The following PRP4K variants were observed in gnomAD, a reference collection of about 807,000 sequenced individuals.
PRP4K encodes the protein pre-mRNA processing factor kinase PRP4K, also known as serine/threonine-protein kinase PRP4 homolog.
the PRP4K span, chr6:4,052,055 A>C: frequency 6.2e-7 from 1 of 1,602,220 alleles, no homozygotes; most frequent in Non-Finnish European, 8.5e-7. Flanking sequence ...AGGCACTTCT[A>C]TCACAAGCAG....
chr6:4,023,654 G>GT, the PRP4K span, among the ~76,000 whole-genome samples: 1 of 152,332 alleles, frequency 6.6e-6, no homozygotes, highest in African/African-American at 2.4e-5. Flanking sequence ...CAGAGGGAAT[G>GT]TTTTAAGACT....
At chr6:4,042,121 A>G in the PRP4K span, among the ~76,000 whole-genome samples, 1 of 152,216 alleles carries the variant, frequency 6.6e-6, no homozygotes, top group Non-Finnish European at 1.5e-5. Flanking sequence ...CATCCAGAAA[A>G]GGTAGCAATT....
At chr6:4,056,872 T>TA in the PRP4K span, 1 of 1,066,090 alleles carries the variant, frequency 9.4e-7, no homozygotes, top group Non-Finnish European at 1.3e-6. Flanking sequence ...GAGTCTCTAT[T>TA]AAGAATTAGT....
the PRP4K span, chr6:4,064,718 G>A: frequency 2.6e-5 from 4 of 152,544 alleles, no homozygotes; most frequent in Non-Finnish European, 5.9e-5. Context: ...TGTCAATAAT[G>A]TATGCTAAAT....
chr6:4,036,217 G>A, the PRP4K span, among the ~76,000 whole-genome samples: 2 of 152,102 alleles, frequency 1.3e-5, no homozygotes, highest in Non-Finnish European at 2.9e-5. Flanking sequence ...TTGGGTTTTT[G>A]TGGGGTTTTT....
At chr6:4,056,951 G>A in the PRP4K span, 2 of 1,333,198 alleles carry the variant, frequency 1.5e-6, no homozygotes, top group South Asian at 2.9e-5. Context: ...AGCTAAGGTA[G>A]CCAGCCCCTC....
the PRP4K span, chr6:4,032,852 A>C: frequency 7.9e-7 from 1 of 1,262,146 alleles, no homozygotes; most frequent in South Asian, 2.4e-5. Context: ...AGTAGTAAGT[A>C]AAAATAAAAA....
the PRP4K span, among the ~76,000 whole-genome samples, chr6:4,025,947 A>C: frequency 6.6e-6 from 1 of 152,344 alleles, no homozygotes; most frequent in African/African-American, 2.4e-5. Context: ...CTTAACTTTC[A>C]AGTTCTAAGA....
the PRP4K span, among the ~76,000 whole-genome samples, chr6:4,041,273 T>C: frequency 6.6e-6 from 1 of 152,170 alleles, no homozygotes; most frequent in Admixed American, 6.5e-5. Flanking sequence ...AACTTTGAGT[T>C]TGTGTTAGAT....
chr6:4,058,860 T>C, the PRP4K span: 2 of 1,426,344 alleles, frequency 1.4e-6, no homozygotes, highest in South Asian at 1.2e-5. Context: ...TATTGTTAAC[T>C]GAGTACTAAA....
chr6:4,040,696 C>T, the PRP4K span: 1 of 1,415,542 alleles, frequency 7.1e-7, no homozygotes, highest in South Asian at 1.3e-5. Flanking sequence ...CTATATATCC[C>T]CTGTGCCCAC....
At chr6:4,029,552 T>C in the PRP4K span, among the ~76,000 whole-genome samples, 1 of 152,068 alleles carries the variant, frequency 6.6e-6, no homozygotes, top group Non-Finnish European at 1.5e-5. Context: ...GAGGTCTCAC[T>C]CTGTTGCCCA....
chr6:4,046,364 G>T, the PRP4K span, among the ~76,000 whole-genome samples: 793 of 152,212 alleles, frequency 5.2e-3, 3 homozygotes, highest in African/African-American at 0.018. Context: ...GTTTTAATTT[G>T]CATTTCCCTT....
chr6:4,031,466 T>G, the PRP4K span: 1 of 975,424 alleles, frequency 1.0e-6, no homozygotes, highest in South Asian at 2.0e-5. Flanking sequence ...TGTATTACAT[T>G]GAGATGTATT....
the PRP4K span, among the ~76,000 whole-genome samples, chr6:4,029,132 C>T: frequency 1.3e-5 from 2 of 150,136 alleles, no homozygotes; most frequent in Non-Finnish European, 3.0e-5. Flanking sequence ...TGATCTTCCA[C>T]CTCAGCCTCC....
chr6:4,041,207 T>C, the PRP4K span, among the ~76,000 whole-genome samples: 16 of 152,322 alleles, frequency 1.1e-4, no homozygotes, highest in African/African-American at 3.8e-4. Flanking sequence ...ATACATACAT[T>C]AGTCCTGCCG....
the PRP4K span, chr6:4,049,717 A>T: frequency 2.5e-6 from 4 of 1,600,544 alleles, no homozygotes; most frequent in Non-Finnish European, 3.4e-6. Context: ...CTAATTTTTC[A>T]ATTTGCCTTT....
At chr6:4,039,467 T>C in the PRP4K span, among the ~76,000 whole-genome samples, 1 of 152,182 alleles carries the variant, frequency 6.6e-6, no homozygotes, top group African/African-American at 2.4e-5. Flanking sequence ...AACCCTTCTC[T>C]AGAAAGCAAA....
At chr6:4,035,366 C>T in the PRP4K span, among the ~76,000 whole-genome samples, 1 of 134,574 alleles carries the variant, frequency 7.4e-6, no homozygotes, top group Non-Finnish European at 1.5e-5. Context: ...AGGCTGGTCT[C>T]GAACTCTTGA....
Sources: gnomAD v4.1 joint callset for allele counts (sites outside exome capture counted in the v4.1 genomes callset) on GRCh38, gnomAD v4.1.1 for gene constraint, MANE v1.5 for transcripts, NCBI Gene and HGNC (gene_info 2026-07-23, HGNC 2026-07-21) for gene names.